The following FHIT variants were observed in gnomAD, a reference collection of about 807,000 sequenced individuals.
The protein encoded by FHIT is fragile histidine triad diadenosine triphosphatase.
Under a neutral mutation model 17.9 loss-of-function variants are expected in FHIT, and 19 were observed. The ratio of observed to expected loss-of-function variants is 1.06; its 90% CI spans 0.74 to 1.56. The LOEUF (loss-of-function observed/expected upper bound fraction) is 1.56. FHIT is among the 40% of genes most tolerant of loss of function. The pLI, the probability that FHIT is intolerant of heterozygous loss-of-function variation, is 0.00. For synonymous variants in FHIT, 81 were observed against 69.7 expected (o/e 1.16, Z -0.81); for missense variants, 248 against 189.2 (o/e 1.31, Z -1.82).
chr3:60,959,733 A>T (rs72873031), intron 3 of FHIT, among the ~76,000 whole-genome samples: 3,754 of 151,956 alleles, frequency 0.025, 162 homozygotes, highest in African/African-American at 0.084. Context: ...TTTGAGGAGG[A>T]AAAAGGGCAG....
chr3:60,160,213 G>C (rs532970071), intron 5 of FHIT, among the ~76,000 whole-genome samples: 1 of 152,230 alleles, frequency 6.6e-6, no homozygotes, highest in Non-Finnish European at 1.5e-5. Context: ...AAGGGAGGAA[G>C]AGAGGGAAGA....
chr3:60,480,514 G>C (rs1053908003), intron 5 of FHIT, among the ~76,000 whole-genome samples: 1 of 152,124 alleles, frequency 6.6e-6, no homozygotes, highest in Non-Finnish European at 1.5e-5. Context: ...TTAGGAACCT[G>C]TAAACTCAAA....
At chr3:61,027,087 T>C (rs972141597) in intron 3 of FHIT, among the ~76,000 whole-genome samples, 2 of 152,148 alleles carry the variant, frequency 1.3e-5, no homozygotes, top group African/African-American at 4.8e-5. Context: ...CATGTCCTTA[T>C]ACTTTTTTCT....
At chr3:60,732,878 CG>C (rs782336637) in intron 4 of FHIT, among the ~76,000 whole-genome samples, 1 of 151,778 alleles carries the variant, frequency 6.6e-6, no homozygotes, top group East Asian at 2.0e-4. Context: ...TTAGTAGAGG[CG>C]GGGTTTTGCC....
chr3:60,023,795 C>A (rs9817995), intron 5 of FHIT, among the ~76,000 whole-genome samples: 3,877 of 152,186 alleles, frequency 0.025, 159 homozygotes, highest in African/African-American at 0.088. Flanking sequence ...CTTAACATAG[C>A]ATTGGCCTTT....
chr3:59,976,571 G>T (rs759942395), intron 7 of FHIT, among the ~76,000 whole-genome samples: 2 of 151,932 alleles, frequency 1.3e-5, no homozygotes, highest in Non-Finnish European at 2.9e-5. Context: ...AGAAAAAGGG[G>T]TGAAATTCTA....
At chr3:60,724,287 C>G (rs2041869505) in intron 4 of FHIT, among the ~76,000 whole-genome samples, 1 of 152,208 alleles carries the variant, frequency 6.6e-6, no homozygotes, top group South Asian at 2.1e-4. Context: ...CAAGGTTCCT[C>G]CATGATGTAA....
chr3:59,834,287 A>C (rs909193733), intron 8 of FHIT, among the ~76,000 whole-genome samples: 16 of 152,168 alleles, frequency 1.1e-4, no homozygotes, highest in African/African-American at 3.9e-4. Context: ...TATGAGAGTT[A>C]AACGAGGTAG....
chr3:60,999,722 G>A (rs778202192), intron 3 of FHIT, among the ~76,000 whole-genome samples: 41 of 152,016 alleles, frequency 2.7e-4, no homozygotes, highest in Non-Finnish European at 5.4e-4. Flanking sequence ...GGAAGCAGGT[G>A]AGCTGAAGGA....
At chr3:60,688,426 GT>G (rs1395823139) in intron 4 of FHIT, among the ~76,000 whole-genome samples, 62 of 133,464 alleles carry the variant, frequency 4.6e-4, no homozygotes, top group South Asian at 4.9e-4. Context: ...TATGTTTTGT[GT>G]TTTTTTTTTT....
At chr3:61,122,794 C>T (rs1398675744) in intron 2 of FHIT, among the ~76,000 whole-genome samples, 2 of 152,036 alleles carry the variant, frequency 1.3e-5, no homozygotes, top group South Asian at 2.1e-4. Context: ...AAACCAAAAC[C>T]ACAATGAGAT....
chr3:61,104,008 G>T (rs2106862843), intron 2 of FHIT, among the ~76,000 whole-genome samples: 1 of 151,436 alleles, frequency 6.6e-6, no homozygotes. Context: ...GATGAGTCTT[G>T]GCTCTTTATC....
intron 8 of FHIT, among the ~76,000 whole-genome samples, chr3:59,772,243 G>C (rs1702107014): frequency 6.6e-6 from 1 of 152,176 alleles, no homozygotes; most frequent in South Asian, 2.1e-4. Flanking sequence ...ACCTGGACTT[G>C]AGCTCTATCA....
At chr3:59,760,020 G>C (rs1018694154) in intron 8 of FHIT, among the ~76,000 whole-genome samples, 1 of 152,142 alleles carries the variant, frequency 6.6e-6, no homozygotes, top group African/African-American at 2.4e-5. Flanking sequence ...ATTACCTTCA[G>C]GTCCTTCTAC....
At chr3:60,954,031 T>G (rs1164421573) in intron 3 of FHIT, among the ~76,000 whole-genome samples, 1 of 152,216 alleles carries the variant, frequency 6.6e-6, no homozygotes, top group Non-Finnish European at 1.5e-5. Context: ...ACCCTAATTA[T>G]GTAAATCTGC....
intron 8 of FHIT, among the ~76,000 whole-genome samples, chr3:59,769,991 A>G (rs1702002062): frequency 6.6e-6 from 1 of 152,194 alleles, no homozygotes; most frequent in Non-Finnish European, 1.5e-5. Context: ...TGCTCTATGC[A>G]TTGCCTTTTC....
chr3:60,772,314 CTATATATATATATATATATA>C (rs61056807), intron 4 of FHIT, among the ~76,000 whole-genome samples: 9 of 143,386 alleles, frequency 6.3e-5, no homozygotes, highest in South Asian at 2.4e-4. Flanking sequence ...CACTTCTCAT[CTATATATATATATATATATA>C]TATATATATA....
intron 4 of FHIT, among the ~76,000 whole-genome samples, chr3:60,806,260 A>G (rs1401620004): frequency 2.0e-5 from 3 of 152,176 alleles, no homozygotes; most frequent in Non-Finnish European, 4.4e-5. Context: ...AGCAGCCACA[A>G]CCCTGTCTCC....
chr3:61,187,175 T>A (rs1299440996), intron 2 of FHIT, among the ~76,000 whole-genome samples: 1 of 152,158 alleles, frequency 6.6e-6, no homozygotes, highest in African/African-American at 2.4e-5. Flanking sequence ...AAATAATGAT[T>A]GAGCACTTGA....
Sources: gnomAD v4.1 joint callset for allele counts (sites outside exome capture counted in the v4.1 genomes callset) on GRCh38, gnomAD v4.1.1 for gene constraint, MANE v1.5 for transcripts, NCBI Gene and HGNC (gene_info 2026-07-23, HGNC 2026-07-21) for gene names.